Variants in TMCC3 observed in about 807,000 individuals in gnomAD.
TMCC3 encodes the protein transmembrane and coiled-coil domain family 3, also known as transmembrane and coiled-coil domain protein 3.
In TMCC3, 28 loss-of-function variants were observed where a neutral mutation model predicts 40.2. The ratio of observed to expected loss-of-function variants is 0.70; its 90% CI spans 0.52 to 0.95. The LOEUF is 0.95. TMCC3 is among the 40% of genes least tolerant of loss of function. TMCC3 has a pLI of 0.00. For synonymous variants in TMCC3, 255 were observed against 248.5 expected (o/e 1.03, Z -0.25); for missense variants, 554 against 615.2 (o/e 0.90, Z 1.05).
rs759529137 is a variant in TMCC3, at chr12:94,582,364, C to A, written c.253G>T (p.Glu85Ter). The change falls in exon 2 of 4, where the codon GAG becomes TAG. Residue 85 changes from glutamate to a stop codon, truncating the protein, a stop_gained. Coordinates refer to ENST00000261226, the MANE Select transcript of TMCC3 (RefSeq NM_020698.4). LOFTEE classifies it high-confidence loss of function. Reference protein sequence around the residue: ...ILKVTEQIKIEQTSRDGNVAE... With the variant: ...ILKVTEQIKI ...ACATTCCCATCGCGCGATGTTTGCT[C>A]AATTTTTATCTGCTCTGTTACCTTT... is the stretch of plus-strand genomic sequence containing the variant. The A allele has an allele frequency of 3.7e-6, 6 of 1,613,870 alleles. No homozygotes were observed. The highest frequency in any genetic ancestry group is 5.1e-6 in the Non-Finnish European group (6 of 1,180,010).
At chr12:94,571,813 C>T (rs774292407) in intron 3 of TMCC3, 76 bp from the exon 4 acceptor site, 19 of 1,499,398 alleles carry the variant, frequency 1.3e-5, no homozygotes, top group Non-Finnish European at 1.5e-5. Flanking sequence ...CTCAGCTGTA[C>T]ACAAAAGCCC....
At chr12:94,628,176 C>A (rs907624852) in intron 1 of TMCC3, among the ~76,000 whole-genome samples, 1 of 152,192 alleles carries the variant, frequency 6.6e-6, no homozygotes, top group Non-Finnish European at 1.5e-5. Flanking sequence ...ACTCCTTTTC[C>A]ATACCACATG....
intron 1 of TMCC3, among the ~76,000 whole-genome samples, chr12:94,588,743 C>G (rs2068653074): frequency 6.6e-6 from 1 of 152,156 alleles, no homozygotes; most frequent in Admixed American, 6.5e-5. Flanking sequence ...AAAGTCTAGG[C>G]CAACCTTGTC....
chr12:94,604,527 C>T (rs977362550), intron 1 of TMCC3, among the ~76,000 whole-genome samples: 3 of 151,410 alleles, frequency 2.0e-5, no homozygotes, highest in Non-Finnish European at 4.4e-5. Flanking sequence ...GTAACAAGGC[C>T]AGGCACAGTG....
At chr12:94,599,311 T>A (rs2068737202) in intron 1 of TMCC3, among the ~76,000 whole-genome samples, 2 of 152,132 alleles carry the variant, frequency 1.3e-5, no homozygotes, top group African/African-American at 2.4e-5. Context: ...TTCAGAAGAC[T>A]CCAGAGCCAA....
intron 1 of TMCC3, among the ~76,000 whole-genome samples, chr12:94,625,559 A>C (rs1270247363): frequency 6.8e-6 from 1 of 147,156 alleles, no homozygotes. Flanking sequence ...GTGCCACTGC[A>C]CTCCAGTCTG....
At chr12:94,588,773 G>T (rs1427777691) in intron 1 of TMCC3, among the ~76,000 whole-genome samples, 1 of 151,870 alleles carries the variant, frequency 6.6e-6, no homozygotes, top group Non-Finnish European at 1.5e-5. Flanking sequence ...GCCCAGCATG[G>T]CTTTGAATGC....
chr12:94,606,538 T>TA (rs1177797001), intron 1 of TMCC3, among the ~76,000 whole-genome samples: 1 of 152,068 alleles, frequency 6.6e-6, no homozygotes, highest in African/African-American at 2.4e-5. Flanking sequence ...GGCTAATTTT[T>TA]GTATTTTTAG....
chr12:94,633,055 G>A (rs922296115), intron 1 of TMCC3, among the ~76,000 whole-genome samples: 2 of 152,162 alleles, frequency 1.3e-5, no homozygotes, highest in African/African-American at 2.4e-5. Context: ...GCAGTGGGCC[G>A]AGATTGCACC....
Position 94,571,447 on chromosome 12 carries a change from T to C in TMCC3, c.1422A>G (p.Ile474Met). ...GGAACCAGTGGCTTCATCTTGGTAT[T>C]ATCATCCTTTCTATGGCACACAGGA... ...DHILCAIERM[I>M]IPR The change falls in exon 4 of 4, where the codon ATA becomes ATG. Residue 474 changes from isoleucine (I) to methionine (M), a missense_variant. Physicochemically the swap from Ile to Met is conservative, Grantham distance 10. Coordinates refer to ENST00000261226, the MANE Select transcript of TMCC3 (RefSeq NM_020698.4). 1 of 1,612,562 alleles carries C rather than the reference T, an allele frequency of 6.2e-7. No homozygotes were observed. The highest frequency in any genetic ancestry group is 8.5e-7 in the Non-Finnish European group (1 of 1,178,574).
intron 1 of TMCC3, among the ~76,000 whole-genome samples, chr12:94,643,522 T>C (rs569863906): frequency 2.6e-5 from 4 of 152,234 alleles, no homozygotes; most frequent in Non-Finnish European, 4.4e-5. Context: ...CACGGTTCTT[T>C]AATGATCTTA....
Position 94,582,524 on chromosome 12 carries a change from G to C in TMCC3, c.93C>G (p.Asp31Glu), listed in dbSNP as rs149829295. 6.2e-7 allele frequency: 1 copy of C among 1,601,972 alleles called. No individual in the cohort carries two copies. The highest frequency in any genetic ancestry group is 2.2e-5 in the East Asian group (1 of 44,762). Residue 31 changes from aspartate to glutamate, a missense_variant, in exon 2 of 4, where the codon GAC becomes GAG. Physicochemically the swap from Asp to Glu is conservative, Grantham distance 45. Coordinates refer to ENST00000261226, the MANE Select transcript of TMCC3 (RefSeq NM_020698.4). ...HRCKSRVERH[D>E]MNTLSLPLNI... ...TCAGGGGCAGGCTTAAGGTATTCAT[G>C]TCATGACGTTCTACCTGAAAGAGAC...
chr12:94,590,809 AG>A (rs1192086694), intron 1 of TMCC3: 15 of 479,350 alleles, frequency 3.1e-5, no homozygotes, highest in African/African-American at 3.0e-4. Flanking sequence ...GAGACGGCGC[AG>A]GGTCTGAAAC....
chr12:94,599,547 T>G (rs1267834040), intron 1 of TMCC3, among the ~76,000 whole-genome samples: 4 of 137,310 alleles, frequency 2.9e-5, no homozygotes, highest in Non-Finnish European at 6.2e-5. Flanking sequence ...AAGATAATTT[T>G]TAAAAGATAC....
chr12:94,642,549 C>A (rs557850490), intron 1 of TMCC3, among the ~76,000 whole-genome samples: 1 of 152,322 alleles, frequency 6.6e-6, no homozygotes, highest in South Asian at 2.1e-4. Context: ...TACAATCAGC[C>A]ATTTAAAATG....
intron 1 of TMCC3, among the ~76,000 whole-genome samples, chr12:94,621,902 T>C (rs974075143): frequency 1.3e-5 from 2 of 152,184 alleles, no homozygotes; most frequent in Non-Finnish European, 2.9e-5. Context: ...GTTTAAAGGA[T>C]GACTGACATG....
At chr12:94,650,146 C>G (rs1355011232) in intron 1 of TMCC3, among the ~76,000 whole-genome samples, 1 of 152,106 alleles carries the variant, frequency 6.6e-6, no homozygotes, top group African/African-American at 2.4e-5. Flanking sequence ...GCAGGCGGAC[C>G]TGGGATCCCA....
At chr12:94,624,820 A>G (rs1169196601) in intron 1 of TMCC3, among the ~76,000 whole-genome samples, 2 of 151,898 alleles carry the variant, frequency 1.3e-5, no homozygotes. Context: ...AATAACTGCT[A>G]AGGGTATCTT....
At chr12:94,610,695 G>C (rs1198012592) in intron 1 of TMCC3, among the ~76,000 whole-genome samples, 3 of 152,198 alleles carry the variant, frequency 2.0e-5, no homozygotes, top group Non-Finnish European at 2.9e-5. Flanking sequence ...AAACGGATCT[G>C]AATGGGCTAC....
Sources: allele counts gnomAD v4.1 joint callset (sites outside exome capture counted in the v4.1 genomes callset), GRCh38; gene constraint gnomAD v4.1.1; transcripts MANE v1.5; gene names NCBI Gene and HGNC (gene_info 2026-07-23, HGNC 2026-07-21).